The following NUP133 variants were observed in gnomAD, a reference collection of about 807,000 sequenced individuals.
NUP133 encodes the protein nucleoporin 133, also known as nuclear pore complex protein Nup133.
NUP133 carries 66 observed loss-of-function variants against 146.2 expected under a neutral mutation model. The observed-to-expected ratio is 0.45, with a 90% CI of 0.37 to 0.55. NUP133 has a LOEUF of 0.55. Among genes scored for constraint, NUP133 ranks in the 20% least tolerant of loss-of-function variants. The pLI is 0.00. For synonymous variants in NUP133, 521 were observed against 498.8 expected (o/e 1.04, Z -0.59); for missense variants, 1,277 against 1,374.8 (o/e 0.93, Z 1.12).
intron 13 of NUP133, among the ~76,000 whole-genome samples, chr1:229,477,059 A>G (rs1661094607): frequency 6.6e-6 from 1 of 152,168 alleles, no homozygotes. Context: ...TGCCTTGGAT[A>G]GAACAATTAG....
chr1:229,499,555 G>T, intron 5 of NUP133, 129 bp downstream of exon 5: 1 of 958,206 alleles, frequency 1.0e-6, no homozygotes, highest in Non-Finnish European at 1.5e-6. Context: ...TATTGCTTGA[G>T]CCCAGGAGTT....
chr1:229,444,857 C>G, intron 25 of NUP133, 57 bp downstream of exon 25: 1 of 1,254,140 alleles, frequency 8.0e-7, no homozygotes, highest in African/African-American at 1.5e-5. Context: ...AAAAAAAAAC[C>G]CAAAAAACTG....
At chr1:229,496,295 G>A (rs12037146) in intron 6 of NUP133, among the ~76,000 whole-genome samples, 28,398 of 152,036 alleles carry the variant, frequency 0.19, 2,869 homozygotes, top group Middle Eastern at 0.25. Context: ...GCAACATGGT[G>A]AAACTCCATC....
At chr1:229,483,967 T>A in intron 12 of NUP133, 87 bp downstream of exon 12, 1 of 858,790 alleles carries the variant, frequency 1.2e-6, no homozygotes, top group Non-Finnish European at 1.9e-6. Flanking sequence ...TTCCTCCAAC[T>A]TGCTCCCACC....
chr1:229,487,664 T>C (rs1474388146), intron 9 of NUP133, 51 bp from the exon 10 acceptor site: 4 of 1,354,276 alleles, frequency 3.0e-6, no homozygotes, highest in Non-Finnish European at 4.1e-6. Context: ...ACAAAAATAT[T>C]TGTATGATTT....
Position 229,490,096 on chromosome 1 carries a change from C to A in NUP133, c.1053G>T (p.Gly351=). Residue 351 remains glycine, a synonymous_variant, in exon 9 of 26, where the codon GGG becomes GGT. Transcript: ENST00000261396. ...RYLDLKQNCD[G]LVILAAAWHS... The stretch of plus-strand genomic sequence containing the variant: ...GCCATGCTGCTGCCAAAATCACCAG[C>A]CCATCACTAATCAATAAAAAAGGAA... 2 of 1,566,008 alleles carry A rather than the reference C, an allele frequency of 1.3e-6. No individual in the cohort carries two copies. The highest frequency in any genetic ancestry group is 1.7e-6 in the Non-Finnish European group (2 of 1,152,676).
intron 21 of NUP133, among the ~76,000 whole-genome samples, chr1:229,455,611 GA>G (rs771692129): frequency 6.6e-6 from 1 of 151,946 alleles, no homozygotes; most frequent in Admixed American, 6.6e-5. Flanking sequence ...CAAATCTACA[GA>G]AAAAATTTTA....
rs748488578 is a variant in NUP133, at chr1:229,484,081, A to G, written c.1565T>C (p.Leu522Pro). The change falls in exon 12 of 26, where the codon CTG (leucine) becomes CCG (proline). Residue 522 changes from leucine to proline, a missense_variant. Physicochemically the swap from Leu to Pro is moderately conservative, Grantham distance 98. Transcript: ENST00000261396. ...GCAGTATTGCAGAAAGGCAGCTTTC[A>G]GCAACTTGATTTTATCTTCCTGGGC... is the stretch of plus-strand genomic sequence containing the variant. ...TIAQEDKIKL[L>P]KAAFLQYCRK... is the part of the protein sequence containing the mutation. 3.1e-6 allele frequency: 5 copies of G among 1,612,596 alleles called. No homozygotes were observed. The highest frequency in any genetic ancestry group is 4.2e-6 in the Non-Finnish European group (5 of 1,178,796).
At chr1:229,486,252 T>G in intron 11 of NUP133, 119 bp downstream of exon 11, 1 of 845,154 alleles carries the variant, frequency 1.2e-6, no homozygotes, top group South Asian at 2.3e-5. Flanking sequence ...AGGCCAGGAG[T>G]TTGGGGCTGC....
In NUP133 at chr1:229,484,020, T is replaced by C. The variant is rs750355408; in HGVS notation, c.1592+34A>G. The C allele has an allele frequency of 6.1e-6, 9 of 1,464,374 alleles. No individual in the cohort carries two copies. The South Asian group carries it at 8.0e-5, about 13-fold the overall frequency. The allele number at this position is 1,464,374 out of a possible 1,614,324, so 90.7% of individuals were successfully genotyped here. A position where few individuals can be genotyped will look rare whatever the true frequency, so the allele number is the denominator to read the frequency against. ...TGTCAGTAAAACATATCCTCACACA[T>C]AAAATAATCCATAATTTAAAAAACA... On this transcript the variant is annotated intron_variant, in intron 12 of 25. Transcript: ENST00000261396.
rs781049652 is a variant in NUP133 at position 229,485,073 on chromosome 1, T to C, written c.1501-928A>G. 3.1e-4 allele frequency among the ~76,000 whole-genome samples: 47 copies of C among 152,204 alleles called. 1 individual carries two copies. Among genetic ancestry groups the C allele is most frequent in the Non-Finnish European group, 1.9e-4 (13 of 68,038 alleles). On this transcript the variant is annotated intron_variant, in intron 11 of 25. Coordinates refer to ENST00000261396, the MANE Select transcript of NUP133 (RefSeq NM_018230.3). The stretch of plus-strand genomic sequence containing the variant: ...CTGTAAAAGAATGATAAAAATCTTA[T>C]GGATAGGATATTTCAGGTTTCAAGA...
intron 14 of NUP133, among the ~76,000 whole-genome samples, chr1:229,471,830 A>C (rs766439131): frequency 6.6e-6 from 1 of 152,176 alleles, no homozygotes; most frequent in Non-Finnish European, 1.5e-5. Context: ...AAGGGGTCAC[A>C]CTGTATATAT....
chr1:229,488,462 G>T (rs1343358853), intron 9 of NUP133, among the ~76,000 whole-genome samples: 1 of 152,132 alleles, frequency 6.6e-6, no homozygotes, highest in Non-Finnish European at 1.5e-5. Context: ...TAATTTTACA[G>T]AAATATTAAA....
At position 229,456,066 on chromosome 1, in the gene NUP133, T is replaced by C. The variant is rs143629497; in HGVS notation, c.2980+2095A>G. 4.6e-5 allele frequency among the ~76,000 whole-genome samples: 7 copies of C among 152,336 alleles called. No individual in the cohort carries two copies. The East Asian group carries it at 1.3e-3, about 29-fold the overall frequency. Reference sequence around the variant, plus strand: ...AGTCTAGGGCAACTGTATTATACAATGTCCCACCAGCAGGTTATGTCTGAT... The same window carrying C: ...AGTCTAGGGCAACTGTATTATACAACGTCCCACCAGCAGGTTATGTCTGAT... On this transcript the variant is annotated intron_variant, in intron 21 of 25. Transcript: ENST00000261396.
Position 229,470,732 on chromosome 1 carries a change from C to T in NUP133, c.1924G>A (p.Glu642Lys). 1 of 1,614,186 alleles carries T rather than the reference C, an allele frequency of 6.2e-7. No individual in the cohort carries two copies. The highest frequency in any genetic ancestry group is 8.5e-7 in the Non-Finnish European group (1 of 1,180,036). The change falls in exon 15 of 26, where the codon GAG becomes AAG. Residue 642 changes from glutamate (E) to lysine (K), a missense_variant. Coordinates refer to ENST00000261396, the MANE Select transcript of NUP133 (RefSeq NM_018230.3). Reference sequence around the variant, plus strand: ...GCGGCTGACAGCTTTTCGGCATGCTCACAGAGCAACAGTCGAGTGGCCATC... The same window carrying T: ...GCGGCTGACAGCTTTTCGGCATGCTTACAGAGCAACAGTCGAGTGGCCATC... Reference protein sequence around the residue: ...TPMATRLLLCEHAEKLSAAIV... With the variant: ...TPMATRLLLCKHAEKLSAAIV...
intron 8 of NUP133, among the ~76,000 whole-genome samples, chr1:229,494,421 AATTTGTTC>A (rs915237884): frequency 4.1e-4 from 62 of 152,218 alleles, no homozygotes; most frequent in Non-Finnish European, 5.4e-4. Flanking sequence ...GAACACGTAG[AATTTGTTC>A]TACTAACCCA....
Position 229,458,073 on chromosome 1 carries a change from T to C in NUP133, c.2980+88A>G, listed in dbSNP as rs776148098. ...AGAGACAGGTCCTGTTTCTAAGAGATAGATCCTGCTAACTGATGACAGGAA... is the reference window on the plus strand; with the variant it reads ...AGAGACAGGTCCTGTTTCTAAGAGACAGATCCTGCTAACTGATGACAGGAA... On this transcript the variant is annotated intron_variant, in intron 21 of 25. Coordinates refer to ENST00000261396, the MANE Select transcript of NUP133 (RefSeq NM_018230.3). 228 of 1,366,188 alleles carry C rather than the reference T, an allele frequency of 1.7e-4. 1 individual carries two copies. Among genetic ancestry groups the C allele is most frequent in the East Asian group, 7.0e-5 (3 of 42,778 alleles). The allele number at this position is 1,366,188 out of a possible 1,614,324, so 84.6% of individuals were successfully genotyped here.
At chr1:229,468,666 T>C (rs371781637) in intron 15 of NUP133, among the ~76,000 whole-genome samples, 134 of 152,316 alleles carry the variant, frequency 8.8e-4, no homozygotes, top group African/African-American at 3.0e-3. Flanking sequence ...ACTTTGCCCT[T>C]TGATCCAAAT....
chr1:229,467,939 G>C (rs536824049), intron 15 of NUP133, among the ~76,000 whole-genome samples: 147 of 146,908 alleles, frequency 1.0e-3, no homozygotes, highest in Non-Finnish European at 1.7e-3. Flanking sequence ...AAAAAAAAAA[G>C]GAAAGCATAT....
Sources: gnomAD v4.1 joint callset for allele counts (sites outside exome capture counted in the v4.1 genomes callset) on GRCh38, gnomAD v4.1.1 for gene constraint, MANE v1.5 for transcripts, NCBI Gene and HGNC (gene_info 2026-07-23, HGNC 2026-07-21) for gene names.